Variants in ST3GAL3 observed in about 807,000 individuals in gnomAD.
ST3GAL3 encodes the protein ST3 beta-galactoside alpha-2,3-sialyltransferase 3.
ST3GAL3 carries 21 observed loss-of-function variants against 50.1 expected under a neutral mutation model. That is an observed-to-expected ratio of 0.42 (90% CI 0.30 to 0.60). ST3GAL3 has a LOEUF of 0.60. Among genes scored for constraint, ST3GAL3 ranks in the 20% least tolerant of loss-of-function variants. The pLI, the probability that ST3GAL3 is intolerant of heterozygous loss-of-function variation, is 0.19. For missense variants in ST3GAL3, 353 were observed against 489.4 expected (o/e 0.72, Z 2.63); for synonymous variants, 183 against 190.0 (o/e 0.96, Z 0.30).
intron 11 of ST3GAL3, among the ~76,000 whole-genome samples, chr1:43,924,721 G>A (rs1480167051): frequency 1.3e-5 from 2 of 152,170 alleles, no homozygotes; most frequent in Admixed American, 6.5e-5. Context: ...CCAGATCTTC[G>A]GCTAAGGCGA....
intron 4 of ST3GAL3, among the ~76,000 whole-genome samples, chr1:43,817,539 TCTC>T (rs1224908966): frequency 7.6e-6 from 1 of 131,284 alleles, no homozygotes; most frequent in Admixed American, 7.5e-5. Context: ...TTCTTCTCCT[TCTC>T]CTTCTTCTTC....
At chr1:43,736,177 A>ATATATC in intron 1 of ST3GAL3, 56 bp from the exon 2 acceptor site, 3 of 1,473,674 alleles carry the variant, frequency 2.0e-6, no homozygotes, top group Non-Finnish European at 2.8e-6. Flanking sequence ...TTAAGAGAGA[A>ATATATC]TATATCAATA....
intron 1 of ST3GAL3, among the ~76,000 whole-genome samples, chr1:43,732,157 G>T (rs969433595): frequency 3.3e-5 from 5 of 152,066 alleles, no homozygotes; most frequent in African/African-American, 1.2e-4. Flanking sequence ...ATTATATTCT[G>T]CACTGTTATT....
At chr1:43,927,800 G>A (rs1480166064) in intron 11 of ST3GAL3, among the ~76,000 whole-genome samples, 4 of 152,216 alleles carry the variant, frequency 2.6e-5, no homozygotes, top group Non-Finnish European at 2.9e-5. Flanking sequence ...TATAATGACA[G>A]GAGCCTTGAA....
intron 2 of ST3GAL3, among the ~76,000 whole-genome samples, chr1:43,744,553 T>G (rs1682618870): frequency 1.3e-5 from 2 of 151,776 alleles, no homozygotes; most frequent in Non-Finnish European, 2.9e-5. Context: ...ATCATCTTCT[T>G]TAAATAAACT....
chr1:43,723,165 G>T (rs1671296492), intron 1 of ST3GAL3, among the ~76,000 whole-genome samples: 2 of 151,352 alleles, frequency 1.3e-5, no homozygotes, highest in South Asian at 4.2e-4. Context: ...CTGGAGTGCA[G>T]TGGCATGAAG....
At chr1:43,805,967 C>T (rs546233329) in intron 3 of ST3GAL3, among the ~76,000 whole-genome samples, 7 of 152,268 alleles carry the variant, frequency 4.6e-5, no homozygotes, top group Admixed American at 6.5e-5. Context: ...AACTCCTGAC[C>T]TTGTGATCCG....
In ST3GAL3 at chr1:43,737,338, A is replaced by G. The variant is rs1219920151; in HGVS notation, c.118+958A>G. ...TAGGTACAAGGTGAAAGTGAGCTGC[A>G]GTGAGTGGGAAGAAGCAACGGGCAA... On this transcript the variant is annotated intron_variant, in intron 2 of 11. Transcript: ENST00000347631. This position sits in a 1 kb window ranked among gnomAD's most constrained non-coding sequence, Gnocchi z 4.0. 6.6e-6 allele frequency: 1 copy of G among 152,224 alleles called. No individual in the cohort carries two copies. Among genetic ancestry groups the G allele is most frequent in the Non-Finnish European group, 1.5e-5 (1 of 68,046 alleles). 9.4% of individuals were successfully genotyped at this position (152,224 alleles called of 1,614,324 possible).
chr1:43,928,129 C>T (rs576304534), intron 11 of ST3GAL3, among the ~76,000 whole-genome samples: 2 of 152,272 alleles, frequency 1.3e-5, no homozygotes, highest in East Asian at 3.9e-4. Flanking sequence ...CAGAGCAAGC[C>T]ATAAGTTCTT....
At position 43,733,064 on chromosome 1, in the gene ST3GAL3, G is replaced by A. The variant is rs185458099; in HGVS notation, c.-30-3169G>A. On this transcript the variant is annotated intron_variant, in intron 1 of 11. Coordinates refer to ENST00000347631, the MANE Select transcript of ST3GAL3 (RefSeq NM_006279.5). The stretch of plus-strand genomic sequence containing the variant: ...CATGATCATAGCTCACTGCAGCCTC[G>A]AACTCCTCAAGCAGTCTTGAGGCGG... 5.4e-4 allele frequency among the ~76,000 whole-genome samples: 82 copies of A among 150,646 alleles called. 1 individual carries two copies. In the East Asian group the frequency reaches 0.014, roughly 27 times the overall value.
At chr1:43,750,533 T>C (rs558187234) in intron 2 of ST3GAL3, among the ~76,000 whole-genome samples, 1 of 152,278 alleles carries the variant, frequency 6.6e-6, no homozygotes, top group South Asian at 2.1e-4. Flanking sequence ...CAATAAAGAA[T>C]ATGATATTGG....
chr1:43,814,845 C>A, intron 3 of ST3GAL3, 46 bp from the exon 4 acceptor site: 1 of 1,595,926 alleles, frequency 6.3e-7, no homozygotes, highest in Non-Finnish European at 8.6e-7. Flanking sequence ...ATGCTAGTAT[C>A]ATCAGTGACT....
At chr1:43,814,111 T>C (rs1452974278) in intron 3 of ST3GAL3, among the ~76,000 whole-genome samples, 2 of 152,224 alleles carry the variant, frequency 1.3e-5, no homozygotes, top group Non-Finnish European at 2.9e-5. Context: ...TGCTTTGCGC[T>C]TAGTTTTAGC....
chr1:43,711,458 G>A (rs946166936), intron 1 of ST3GAL3, among the ~76,000 whole-genome samples: 1 of 152,250 alleles, frequency 6.6e-6, no homozygotes, highest in African/African-American at 2.4e-5. Flanking sequence ...TTCAGTGTTA[G>A]CATATGTCTG....
intron 9 of ST3GAL3, among the ~76,000 whole-genome samples, chr1:43,905,981 C>T (rs1243398559): frequency 2.1e-4 from 17 of 80,622 alleles, no homozygotes; most frequent in Non-Finnish European, 3.5e-4. Context: ...CCTCCTCCTG[C>T]TCCCCTTCCC....
At chr1:43,789,932 G>T (rs184646686) in intron 2 of ST3GAL3, among the ~76,000 whole-genome samples, 15 of 152,110 alleles carry the variant, frequency 9.9e-5, no homozygotes, top group Admixed American at 5.9e-4. Context: ...ATGAGATAGG[G>T]TGGTCACCTA....
chr1:43,866,777 G>A (rs939002572), intron 5 of ST3GAL3, among the ~76,000 whole-genome samples: 4 of 152,070 alleles, frequency 2.6e-5, no homozygotes, highest in Admixed American at 1.3e-4. Context: ...GTAATCTAGA[G>A]CAAGATCATG....
At chr1:43,838,560 T>G in intron 5 of ST3GAL3, 1 of 455,808 alleles carries the variant, frequency 2.2e-6, no homozygotes, top group Non-Finnish European at 4.1e-6. Flanking sequence ...ATAACCTACA[T>G]GGTTGCCGCA....
rs896584107 is a variant in ST3GAL3 at position 43,930,509 on chromosome 1, G to A, written c.*288G>A. ...GACACTGGGCAGCAAGGCTGCTGCC[G>A]GAATCACTTCTCCAATCAGTGTTTG... is the stretch of plus-strand genomic sequence containing the variant. On this transcript the variant is annotated 3_prime_UTR_variant, in exon 12 of 12. Coordinates refer to ENST00000347631, the MANE Select transcript of ST3GAL3 (RefSeq NM_006279.5). 7.4e-6 allele frequency: 4 copies of A among 543,642 alleles called. No individual in the cohort carries two copies. The highest frequency in any genetic ancestry group is 3.2e-5 in the East Asian group (1 of 30,998). 33.7% of individuals were successfully genotyped at this position (543,642 alleles called of 1,614,324 possible).
Sources: gnomAD v4.1 joint callset for allele counts (sites outside exome capture counted in the v4.1 genomes callset) on GRCh38, gnomAD v4.1.1 for gene constraint, Gnocchi (gnomAD v3.1) non-coding constraint, MANE v1.5 for transcripts, NCBI Gene and HGNC (gene_info 2026-07-23, HGNC 2026-07-21) for gene names.